The following PTPN21 variants were observed in gnomAD, a reference collection of about 807,000 sequenced individuals.
PTPN21 encodes the protein tyrosine-protein phosphatase non-receptor type 21.
Under a neutral mutation model 131.8 loss-of-function variants are expected in PTPN21, and 77 were observed. The ratio of observed to expected loss-of-function variants is 0.58; its 90% CI spans 0.49 to 0.71. The LOEUF (loss-of-function observed/expected upper bound fraction) is 0.71. PTPN21 is among the 30% of genes least tolerant of loss of function. PTPN21 has a pLI of 0.00. For missense variants in PTPN21, 1,552 were observed against 1,527.1 expected (o/e 1.02, Z -0.27); for synonymous variants, 715 against 621.3 (o/e 1.15, Z -2.24).
chr14:88,551,935 G>C (rs114153203), intron 1 of PTPN21: 2 of 152,258 alleles, frequency 1.3e-5, no homozygotes, highest in South Asian at 4.1e-4. Context: ...CCCCCTAAAC[G>C]AGTCTACAAA....
chr14:88,537,518 A>C (rs928439324), intron 2 of PTPN21, among the ~76,000 whole-genome samples: 1 of 152,158 alleles, frequency 6.6e-6, no homozygotes, highest in Non-Finnish European at 1.5e-5. Flanking sequence ...CTGTTCTGGG[A>C]ACTAGGAATA....
At chr14:88,542,640 A>T (rs1314236559) in intron 2 of PTPN21, among the ~76,000 whole-genome samples, 1 of 152,256 alleles carries the variant, frequency 6.6e-6, no homozygotes, top group African/African-American at 2.4e-5. Flanking sequence ...ATTGTAGAAT[A>T]GACTTTAAAA....
chr14:88,483,749 G>A (rs115752361), intron 12 of PTPN21, among the ~76,000 whole-genome samples: 1 of 152,168 alleles, frequency 6.6e-6, no homozygotes, highest in Non-Finnish European at 1.5e-5. Context: ...TTCAGATACA[G>A]AAAGTTCTTC....
rs1180595866 is a variant in PTPN21, at chr14:88,506,565, A to C, written c.449-1194T>G. Among the ~76,000 whole-genome samples the C allele has an allele frequency of 3.3e-5, 5 of 152,190 alleles. No homozygotes were observed. In the East Asian group the frequency reaches 9.7e-4, roughly 30 times the overall value. ...AGTGCTGGGATTAGAGGCGTGAGAC[A>C]CCGCACCCAGCCATCTTTATCTATT... On this transcript the variant is annotated intron_variant, in intron 4 of 18. Coordinates refer to ENST00000556564, the MANE Select transcript of PTPN21 (RefSeq NM_007039.4).
Position 88,479,769 on chromosome 14 carries a change from A to G in PTPN21, c.1662T>C (p.Ser554=), listed in dbSNP as rs73314146. 10,753 of 1,544,894 alleles carry G rather than the reference A, an allele frequency of 7.0e-3. 647 individuals carry two copies. In the African/African-American group the frequency reaches 0.13, roughly 19 times the overall value. The change falls in exon 13 of 19, where the codon TCT becomes TCC. Residue 554 remains serine, a synonymous_variant. Transcript: ENST00000556564. The part of the protein sequence containing the change: ...NAQLQAQDYP[S]PNIMRTQVYR... ...ACACCTGCGTCCGCATGATGTTGGG[A>G]GACGGGTAGTCCTGCGCCTGCAGCT...
chr14:88,517,661 C>CAGGTGTATATATACATATATATAA (rs1555388048), intron 2 of PTPN21, among the ~76,000 whole-genome samples: 1 of 146,330 alleles, frequency 6.8e-6, no homozygotes, highest in Non-Finnish European at 1.5e-5. Flanking sequence ...TGTATATATA[C>CAGGTGTATATATACATATATATAA]ACATACACAC....
rs1391764352 is a variant in PTPN21 at position 88,465,980 on chromosome 14, ATTTG to A, written c.*2153_*2156del. 1.3e-5 allele frequency: 2 copies of A among 150,428 alleles called. No homozygotes were observed. Among genetic ancestry groups the A allele is most frequent in the Non-Finnish European group, 2.9e-5 (2 of 67,936 alleles). The allele number at this position is 150,428 out of a possible 1,614,324, so 9.3% of individuals were successfully genotyped here. A position where few individuals can be genotyped will look rare whatever the true frequency, so the allele number is the denominator to read the frequency against. ...AGACCACATATTACTCTTTAATTAGATTTGTTTTACAATATGTTCTTGTCAACGA... is the reference window on the plus strand; with the variant it reads ...AGACCACATATTACTCTTTAATTAGATTTTACAATATGTTCTTGTCAACGA... On this transcript the variant is annotated 3_prime_UTR_variant, in exon 19 of 19. Transcript: ENST00000556564.
At chr14:88,550,016 C>G (rs1329453824) in intron 2 of PTPN21, among the ~76,000 whole-genome samples, 1 of 152,134 alleles carries the variant, frequency 6.6e-6, no homozygotes, top group Non-Finnish European at 1.5e-5. Flanking sequence ...GAACTCCTGA[C>G]CTTGTGATTC....
rs775163956 is a variant in PTPN21, at chr14:88,550,374, T to TACC, written c.43_44insGGT (p.Arg14_Tyr15insTrp). 5 of 1,614,192 alleles carry TACC rather than the reference T, an allele frequency of 3.1e-6. No homozygotes were observed. Among genetic ancestry groups the TACC allele is most frequent in the Non-Finnish European group, 4.2e-6 (5 of 1,180,004 alleles). ...CAGGCAACTCTTGCTGGACACCGTG[T>TACC]AGCGCCGGGTGCGTTTCAGTTTCAA... On this transcript the variant is annotated inframe_insertion, in exon 2 of 19. Transcript: ENST00000556564.
At position 88,513,330 on chromosome 14, in the gene PTPN21, C is replaced by G. The variant is rs529145684; in HGVS notation, c.350+3762G>C. Among the ~76,000 whole-genome samples the G allele has an allele frequency of 3.3e-5, 5 of 152,090 alleles. No homozygotes were observed. The South Asian group carries it at 1.0e-3, about 32-fold the overall frequency. ...CAGGCGTGCGCCACCACACTCGGCT[C>G]ATTTTTGTATTTTTAGTAGAGACGG... On this transcript the variant is annotated intron_variant, in intron 3 of 18. Transcript: ENST00000556564.
chr14:88,465,824 T>A lies in PTPN21; in HGVS notation c.*2313A>T, dbSNP rs2077354965. The A allele has an allele frequency of 6.6e-6, 1 of 152,198 alleles. No homozygotes were observed. Among genetic ancestry groups the A allele is most frequent in the African/African-American group, 2.4e-5 (1 of 41,456 alleles). The allele number at this position is 152,198 out of a possible 1,614,324, so 9.4% of individuals were successfully genotyped here. A position where few individuals can be genotyped will look rare whatever the true frequency, so the allele number is the denominator to read the frequency against. ...CAGAAATCCTTTCATATTCACTAACTGCAATTAAAAGTTTAAAATTACATG... is the reference window on the plus strand; with the variant it reads ...CAGAAATCCTTTCATATTCACTAACAGCAATTAAAAGTTTAAAATTACATG... On this transcript the variant is annotated 3_prime_UTR_variant, in exon 19 of 19. Transcript: ENST00000556564.
intron 13 of PTPN21, among the ~76,000 whole-genome samples, chr14:88,476,897 T>C (rs371443985): frequency 4.9e-4 from 75 of 152,292 alleles, no homozygotes; most frequent in Non-Finnish European, 9.4e-4. Flanking sequence ...GAGAACCAAA[T>C]TGATCAAAGT....
intron 2 of PTPN21, among the ~76,000 whole-genome samples, chr14:88,533,195 C>A (rs2078577709): frequency 6.6e-6 from 1 of 152,180 alleles, no homozygotes; most frequent in Non-Finnish European, 1.5e-5. Flanking sequence ...CAAAGCCAAA[C>A]ATGAAAGCTG....
intron 13 of PTPN21, among the ~76,000 whole-genome samples, chr14:88,476,540 C>T (rs1372385748): frequency 6.6e-6 from 1 of 152,152 alleles, no homozygotes; most frequent in African/African-American, 2.4e-5. Context: ...TCATGTAATT[C>T]AGGAGGCATT....
chr14:88,477,752 G>C (rs985866641), intron 13 of PTPN21, among the ~76,000 whole-genome samples: 1 of 152,134 alleles, frequency 6.6e-6, no homozygotes, highest in Non-Finnish European at 1.5e-5. Context: ...CCTGGCTCAA[G>C]TGCAGGGCAT....
At position 88,517,808 on chromosome 14, in the gene PTPN21, ATGTG is replaced by A. The variant is rs1334481152; in HGVS notation, c.181-551_181-548del. On this transcript the variant is annotated intron_variant, in intron 2 of 18. Transcript: ENST00000556564. ...TATATATATGTGTACATGTGTATTT[ATGTG>A]TGTATGTGTATATATAGTGTATATA... is the stretch of plus-strand genomic sequence containing the variant. Among the ~76,000 whole-genome samples the A allele has an allele frequency of 7.1e-4, 104 of 146,498 alleles. 1 individual carries two copies. Among genetic ancestry groups the A allele is most frequent in the Middle Eastern group, 3.6e-3 (1 of 274 alleles).
chr14:88,479,548 C>G lies in PTPN21; in HGVS notation c.1883G>C (p.Arg628Pro). 6.3e-7 allele frequency: 1 copy of G among 1,599,212 alleles called. No individual in the cohort carries two copies. The highest frequency in any genetic ancestry group is 1.1e-5 in the South Asian group (1 of 90,976). ...GTTCCGTTTGTGCAGCTGCGCGTGG[C>G]GCGCGGCGGTGAGGGGCTCGCTGAC... is the stretch of plus-strand genomic sequence containing the variant. ...QEVSEPLTAA[R>P]HAQLHKRNSI... Residue 628 changes from arginine (R) to proline (P), a missense_variant, in exon 13 of 19, where the codon CGC (arginine) becomes CCC (proline). Physicochemically the swap from Arg to Pro is moderately radical, Grantham distance 103 (BLOSUM62 -2). This residue lies in a region of PTPN21 where 1,016 missense variants were observed against 883.5 expected (regional missense o/e 1.15). Coordinates refer to ENST00000556564, the MANE Select transcript of PTPN21 (RefSeq NM_007039.4).
intron 3 of PTPN21, among the ~76,000 whole-genome samples, chr14:88,509,339 TGAAGTGC>T (rs1566833200): frequency 6.6e-6 from 1 of 152,202 alleles, no homozygotes; most frequent in Non-Finnish European, 1.5e-5. Context: ...CTGGTGCCTG[TGAAGTGC>T]AACCCAGTTA....
At chr14:88,517,716 GTATGTGTA>G (rs2078299195) in intron 2 of PTPN21, among the ~76,000 whole-genome samples, 2 of 136,992 alleles carry the variant, frequency 1.5e-5, no homozygotes, top group Admixed American at 1.5e-4. Context: ...ATATATGTGT[GTATGTGTA>G]TATATACTAT....
Sources: gnomAD v4.1 joint callset for allele counts (sites outside exome capture counted in the v4.1 genomes callset) on GRCh38, gnomAD v4.1.1 for gene constraint, gnomAD v4.1.1 regional missense constraint, MANE v1.5 for transcripts, NCBI Gene and HGNC (gene_info 2026-07-23, HGNC 2026-07-21) for gene names.